LRMDA: variants seen among roughly 807,000 people sequenced by gnomAD.
LRMDA encodes the protein leucine-rich melanocyte differentiation-associated protein.
Under a neutral mutation model 29.8 loss-of-function variants are expected in LRMDA, and 18 were observed. The observed-to-expected ratio is 0.60, with a 90% CI of 0.42 to 0.90. LRMDA has a LOEUF of 0.90. Ranked by LOEUF, LRMDA falls within the 40% of genes least tolerant of loss-of-function variation. LRMDA has a pLI of 0.00. For synonymous variants in LRMDA, 125 were observed against 109.4 expected (o/e 1.14, Z -0.89); for missense variants, 273 against 273.9 (o/e 1.00, Z 0.02).
chr10:75,653,402 C>A (rs978938421), intron 2 of LRMDA, among the ~76,000 whole-genome samples: 5 of 152,118 alleles, frequency 3.3e-5, no homozygotes, highest in Admixed American at 2.6e-4. Flanking sequence ...ATTTTCAGTT[C>A]CTGTCCCCTT....
At chr10:76,151,889 C>T (rs72815556) in intron 5 of LRMDA, among the ~76,000 whole-genome samples, 1 of 152,014 alleles carries the variant, frequency 6.6e-6, no homozygotes, top group Non-Finnish European at 1.5e-5. Flanking sequence ...TATCTTATTA[C>T]ACTATATAGG....
intron 2 of LRMDA, among the ~76,000 whole-genome samples, chr10:75,905,483 A>G (rs1441232003): frequency 6.6e-6 from 1 of 152,106 alleles, no homozygotes; most frequent in Non-Finnish European, 1.5e-5. Flanking sequence ...GAATATCCCA[A>G]TTACATCAAT....
chr10:76,279,064 G>T (rs141216567), intron 5 of LRMDA, among the ~76,000 whole-genome samples: 87 of 152,260 alleles, frequency 5.7e-4, no homozygotes, highest in Admixed American at 3.9e-3. Context: ...GACTCAGACT[G>T]TTCTGGAAAA....
At chr10:76,274,615 G>A (rs1288943584) in intron 5 of LRMDA, among the ~76,000 whole-genome samples, 1 of 152,118 alleles carries the variant, frequency 6.6e-6, no homozygotes, top group Non-Finnish European at 1.5e-5. Context: ...CTGAGGTAAA[G>A]GTTACGTATT....
chr10:75,645,908 C>T (rs565360133), intron 2 of LRMDA, among the ~76,000 whole-genome samples: 1 of 151,476 alleles, frequency 6.6e-6, no homozygotes, highest in African/African-American at 2.4e-5. Context: ...CATCTCTTTC[C>T]CCTTTTCTTT....
At chr10:75,538,295 C>A (rs769906464) in intron 2 of LRMDA, among the ~76,000 whole-genome samples, 1 of 152,146 alleles carries the variant, frequency 6.6e-6, no homozygotes, top group African/African-American at 2.4e-5. Context: ...AGACTGAAAG[C>A]GGTGCAGCGA....
At chr10:75,982,141 T>A (rs1166677720) in intron 2 of LRMDA, among the ~76,000 whole-genome samples, 1 of 152,172 alleles carries the variant, frequency 6.6e-6, no homozygotes, top group African/African-American at 2.4e-5. Context: ...AACTGATCTC[T>A]TCTTTTCCTT....
At position 76,557,195 on chromosome 10, in the gene LRMDA, CT is replaced by C. The variant is rs1564576080; in HGVS notation, c.602-9del. 6.2e-7 allele frequency: 1 copy of C among 1,609,742 alleles called. No individual in the cohort carries two copies. The highest frequency in any genetic ancestry group is 8.5e-7 in the Non-Finnish European group (1 of 1,176,118). ...GTGTGCCACCTGTAATGATGTGTGT[CT>C]TTTTATTTGCAGGTGTCCTGGGGAA... On this transcript the variant is annotated splice_polypyrimidine_tract_variant and intron_variant, in intron 6 of 6. Transcript: ENST00000611255.
At chr10:76,363,767 C>G (rs866332026) in intron 6 of LRMDA, among the ~76,000 whole-genome samples, 8 of 150,024 alleles carry the variant, frequency 5.3e-5, no homozygotes, top group South Asian at 2.1e-4. Flanking sequence ...GTTATTTATT[C>G]TTTGGGTTAA....
At chr10:76,457,746 C>T (rs115833483) in intron 6 of LRMDA, among the ~76,000 whole-genome samples, 1,601 of 152,150 alleles carry the variant, frequency 0.011, 15 homozygotes, top group African/African-American at 0.034. Context: ...AACAAGGTTA[C>T]GTCTCAATCA....
At chr10:75,463,750 C>A (rs1227293561) in intron 2 of LRMDA, among the ~76,000 whole-genome samples, 1 of 152,114 alleles carries the variant, frequency 6.6e-6, no homozygotes, top group African/African-American at 2.4e-5. Context: ...TCACTGCAAC[C>A]TTTGCCTCCC....
At chr10:75,458,968 T>C (rs1844552995) in intron 2 of LRMDA, among the ~76,000 whole-genome samples, 1 of 151,278 alleles carries the variant, frequency 6.6e-6, no homozygotes, top group Non-Finnish European at 1.5e-5. Flanking sequence ...TTGAATTGAA[T>C]GGTTCAGTTG....
In LRMDA at chr10:75,533,137, A is replaced by T. The variant is rs374942150; in HGVS notation, c.131+94643A>T. On this transcript the variant is annotated intron_variant, in intron 2 of 6. Coordinates refer to ENST00000611255, the MANE Select transcript of LRMDA (RefSeq NM_001305581.2). The stretch of plus-strand genomic sequence containing the variant: ...CTAGTTAGTGAGATTTTATGGAAAG[A>T]GAAGTCACCTGCAGAGCTGTAGAAT... 3.9e-5 allele frequency among the ~76,000 whole-genome samples: 6 copies of T among 152,250 alleles called. No homozygotes were observed. The East Asian group carries it at 5.8e-4, about 15-fold the overall frequency.
intron 6 of LRMDA, among the ~76,000 whole-genome samples, chr10:76,326,887 A>T (rs1290448615): frequency 6.6e-6 from 1 of 152,114 alleles, no homozygotes. Flanking sequence ...GGATAGTAAC[A>T]TGTCGTATTT....
intron 5 of LRMDA, among the ~76,000 whole-genome samples, chr10:76,181,363 C>T (rs775679404): frequency 6.6e-6 from 1 of 152,198 alleles, no homozygotes; most frequent in Non-Finnish European, 1.5e-5. Context: ...ATGTTTGACT[C>T]ATCGTCAGTA....
chr10:75,468,474 A>G (rs1397483881), intron 2 of LRMDA, among the ~76,000 whole-genome samples: 1 of 152,086 alleles, frequency 6.6e-6, no homozygotes, highest in Non-Finnish European at 1.5e-5. Context: ...ATTTGCCTTA[A>G]GAGATACCCA....
intron 6 of LRMDA, among the ~76,000 whole-genome samples, chr10:76,505,371 A>C (rs1080874): frequency 6.6e-6 from 1 of 151,980 alleles, no homozygotes; most frequent in South Asian, 2.1e-4. Context: ...GATTGGAGAA[A>C]TGTTCATGGA....
intron 2 of LRMDA, among the ~76,000 whole-genome samples, chr10:75,709,350 G>A (rs1564546156): frequency 6.6e-6 from 1 of 152,054 alleles, no homozygotes; most frequent in Non-Finnish European, 1.5e-5. Flanking sequence ...GCATGCATAA[G>A]TGTGTGTGTC....
intron 2 of LRMDA, among the ~76,000 whole-genome samples, chr10:75,892,069 T>G (rs1845500893): frequency 6.6e-6 from 1 of 152,180 alleles, no homozygotes; most frequent in African/African-American, 2.4e-5. Context: ...GGAATTAGCG[T>G]GACAGTGATG....
Sources: gnomAD v4.1 joint callset for allele counts (sites outside exome capture counted in the v4.1 genomes callset) on GRCh38, gnomAD v4.1.1 for gene constraint, MANE v1.5 for transcripts, NCBI Gene and HGNC (gene_info 2026-07-23, HGNC 2026-07-21) for gene names.